Variants in ARHGEF38 observed in about 807,000 individuals in gnomAD.
The protein encoded by ARHGEF38 is Rho guanine nucleotide exchange factor (GEF) 38.
ARHGEF38 carries 79 observed loss-of-function variants against 79.9 expected under a neutral mutation model. That is an observed-to-expected ratio of 0.99 (90% CI 0.82 to 1.19). The LOEUF is 1.19. ARHGEF38 is among the 50% of genes most tolerant of loss of function. ARHGEF38 has a pLI of 0.00. For missense variants in ARHGEF38, 962 were observed against 907.2 expected (o/e 1.06, Z -0.78); for synonymous variants, 366 against 328.3 (o/e 1.11, Z -1.24).
intron 13 of ARHGEF38, 59 bp from the exon 14 acceptor site, chr4:105,677,693 G>C: frequency 7.5e-7 from 1 of 1,331,154 alleles, no homozygotes; most frequent in Non-Finnish European, 9.7e-7. Context: ...AAACTTTTAT[G>C]ATGTTTCTCT....
rs1198122960 is a variant in ARHGEF38 at position 105,678,929 on chromosome 4, C to T, written c.*992C>T. The T allele has an allele frequency of 5.9e-6, 1 of 170,162 alleles. No individual in the cohort carries two copies. The allele number at this position is 170,162 out of a possible 1,614,324, so 10.5% of individuals were successfully genotyped here. A position where few individuals can be genotyped will look rare whatever the true frequency, so the allele number is the denominator to read the frequency against. On this transcript the variant is annotated 3_prime_UTR_variant, in exon 14 of 14. Transcript: ENST00000420470. ...TGTGAAATACTTTTTTAAAAAAATA[C>T]GATCAACTTCTTTGCAAATAGTAGA...
intron 4 of ARHGEF38, chr4:105,632,857 A>G (rs990097857): frequency 2.0e-5 from 3 of 152,552 alleles, no homozygotes; most frequent in African/African-American, 7.2e-5. Flanking sequence ...CAGAGAGGAA[A>G]GAACATCAGT....
At chr4:105,565,933 A>G (rs1315048210) in intron 1 of ARHGEF38, among the ~76,000 whole-genome samples, 2 of 152,034 alleles carry the variant, frequency 1.3e-5, no homozygotes, top group Non-Finnish European at 2.9e-5. Context: ...TGTTCTTTCT[A>G]TCTTCTTGGC....
chr4:105,666,717 T>A (rs1428910229), intron 11 of ARHGEF38, among the ~76,000 whole-genome samples: 1 of 151,316 alleles, frequency 6.6e-6, no homozygotes, highest in African/African-American at 2.4e-5. Context: ...AGGGGGGGAG[T>A]ATAAGCGTCT....
intron 1 of ARHGEF38, among the ~76,000 whole-genome samples, chr4:105,571,134 C>T (rs922981310): frequency 6.6e-6 from 1 of 151,908 alleles, no homozygotes; most frequent in Admixed American, 6.6e-5. Context: ...CATTTAATGC[C>T]GCTGAACTGC....
chr4:105,643,080 G>A (rs568097238), intron 5 of ARHGEF38, among the ~76,000 whole-genome samples: 1 of 150,626 alleles, frequency 6.6e-6, no homozygotes, highest in Non-Finnish European at 1.5e-5. Flanking sequence ...ATATTTAAAG[G>A]TTTTGCTACT....
intron 3 of ARHGEF38, among the ~76,000 whole-genome samples, chr4:105,628,192 C>T (rs938988398): frequency 1.3e-5 from 2 of 152,160 alleles, no homozygotes; most frequent in Non-Finnish European, 2.9e-5. Flanking sequence ...CTAATTTGAT[C>T]ACCTTGTGGA....
At chr4:105,651,726 C>G (rs1411396781) in intron 7 of ARHGEF38, among the ~76,000 whole-genome samples, 1 of 152,100 alleles carries the variant, frequency 6.6e-6, no homozygotes, top group Non-Finnish European at 1.5e-5. Flanking sequence ...ATTATCATAG[C>G]TCGCTGCAGC....
chr4:105,627,129 T>C (rs908366184), intron 3 of ARHGEF38, among the ~76,000 whole-genome samples: 9 of 152,166 alleles, frequency 5.9e-5, no homozygotes, highest in African/African-American at 2.2e-4. Context: ...GAAGAGTTGG[T>C]TCTTTGTATC....
chr4:105,645,340 A>C lies in ARHGEF38; in HGVS notation c.827A>C (p.Lys276Thr). The C allele has an allele frequency of 1.3e-6, 2 of 1,532,886 alleles. No individual in the cohort carries two copies. The highest frequency in any genetic ancestry group is 2.4e-5 in the South Asian group (2 of 82,872). 95.0% of individuals were successfully genotyped at this position (1,532,886 alleles called of 1,614,324 possible). A position where few individuals can be genotyped will look rare whatever the true frequency, so the allele number is the denominator to read the frequency against. The part of the protein sequence containing the change: ...RALDDAFAAV[K>T]DINVNINELK... ...CTGGACGATGCCTTTGCTGCTGTGA[A>C]GGACATTAATGTTAACATCAATGAA... is the stretch of plus-strand genomic sequence containing the variant. Residue 276 changes from lysine (K) to threonine (T), a missense_variant, in exon 6 of 14, where the codon AAG becomes ACG. Transcript: ENST00000420470.
chr4:105,613,451 T>G lies in ARHGEF38; in HGVS notation c.452T>G (p.Leu151Arg), dbSNP rs201993939. The G allele has an allele frequency of 3.1e-6, 5 of 1,613,472 alleles. No homozygotes were observed. In the African/African-American group the frequency reaches 5.3e-5, roughly 17 times the overall value. ...TCCGTGCATCAGATATCAGCCAAGCTGCTGTCATTGTTGGAAGAGGCCACA... is the reference window on the plus strand; with the variant it reads ...TCCGTGCATCAGATATCAGCCAAGCGGCTGTCATTGTTGGAAGAGGCCACA... ...IESVHQISAK[L>R]LSLLEEATTD... The change falls in exon 3 of 14, where the codon CTG (leucine) becomes CGG (arginine). Residue 151 changes from leucine (L) to arginine (R), a missense_variant. Coordinates refer to ENST00000420470, the MANE Select transcript of ARHGEF38 (RefSeq NM_001242729.2).
At chr4:105,646,042 A>G (rs1729826779) in intron 6 of ARHGEF38, among the ~76,000 whole-genome samples, 1 of 152,186 alleles carries the variant, frequency 6.6e-6, no homozygotes, top group Non-Finnish European at 1.5e-5. Context: ...GTCCTCCCTC[A>G]GTGTGATTTG....
At chr4:105,605,443 C>T (rs1727998210) in intron 2 of ARHGEF38, among the ~76,000 whole-genome samples, 1 of 152,078 alleles carries the variant, frequency 6.6e-6, no homozygotes, top group Non-Finnish European at 1.5e-5. Flanking sequence ...CCCCTTTCTG[C>T]AAAGGGACTA....
intron 13 of ARHGEF38, among the ~76,000 whole-genome samples, chr4:105,677,526 T>C (rs1212778260): frequency 6.6e-6 from 1 of 152,216 alleles, no homozygotes; most frequent in Admixed American, 6.5e-5. Flanking sequence ...CCTTCAAGCA[T>C]GGACAATTTA....
intron 7 of ARHGEF38, among the ~76,000 whole-genome samples, chr4:105,648,930 C>T (rs1437004777): frequency 6.6e-6 from 1 of 151,678 alleles, no homozygotes; most frequent in Non-Finnish European, 1.5e-5. Context: ...GGTGCTTCTA[C>T]TCAAGAAACA....
intron 1 of ARHGEF38, among the ~76,000 whole-genome samples, chr4:105,588,655 C>T (rs1457462365): frequency 2.6e-5 from 4 of 152,168 alleles, no homozygotes; most frequent in Non-Finnish European, 5.9e-5. Flanking sequence ...ACAAGATATG[C>T]TTGGTATAAA....
At chr4:105,610,477 A>T (rs1286725510) in intron 2 of ARHGEF38, among the ~76,000 whole-genome samples, 1 of 152,114 alleles carries the variant, frequency 6.6e-6, no homozygotes, top group Non-Finnish European at 1.5e-5. Flanking sequence ...ATGTAATTCA[A>T]CTTAAGCTTT....
At chr4:105,622,058 T>C (rs1258700979) in intron 3 of ARHGEF38, among the ~76,000 whole-genome samples, 1 of 152,106 alleles carries the variant, frequency 6.6e-6, no homozygotes, top group Non-Finnish European at 1.5e-5. Context: ...GGACTTCCAG[T>C]CTCCTGAGCG....
At chr4:105,673,832 G>A (rs888476598) in intron 13 of ARHGEF38, among the ~76,000 whole-genome samples, 11 of 151,970 alleles carry the variant, frequency 7.2e-5, no homozygotes, top group African/African-American at 1.4e-4. Context: ...GAAATTGCTC[G>A]TGTAATTAAA....
Sources: gnomAD v4.1 joint callset for allele counts (sites outside exome capture counted in the v4.1 genomes callset) on GRCh38, gnomAD v4.1.1 for gene constraint, MANE v1.5 for transcripts, NCBI Gene and HGNC (gene_info 2026-07-23, HGNC 2026-07-21) for gene names.